The following RUVBL1 variants were observed in gnomAD, a reference collection of about 807,000 sequenced individuals.
The protein encoded by RUVBL1 is RuvB like AAA ATPase 1.
A neutral mutation model predicts 52.4 loss-of-function variants in RUVBL1; 4 were observed. The observed-to-expected ratio is 0.08, with a 90% CI of 0.04 to 0.17. The LOEUF is 0.17. Ranked by LOEUF, RUVBL1 falls within the 10% of genes least tolerant of loss-of-function variation. The probability of loss-of-function intolerance (pLI) is 1.00; values close to 1 mark genes in which losing one functional copy is unlikely to be tolerated. For synonymous variants in RUVBL1, 217 were observed against 214.4 expected, an observed-to-expected ratio of 1.01 and a Z score of -0.10; for missense variants, 298 against 572.8, an observed-to-expected ratio of 0.52 and a Z score of 4.90.
At chr3:128,065,731 A>ATT (rs1941953629) in intron 9 of RUVBL1, among the ~76,000 whole-genome samples, 2 of 61,962 alleles carry the variant, frequency 3.2e-5, no homozygotes, top group East Asian at 5.2e-4. Context: ...GATCATTAAG[A>ATT]ATTTTTTTTT....
chr3:128,144,927 T>A (rs1944080855), intron 1 of RUVBL1, among the ~76,000 whole-genome samples: 1 of 152,156 alleles, frequency 6.6e-6, no homozygotes, highest in Non-Finnish European at 1.5e-5. Context: ...GGCACATGAC[T>A]TCATCAGGGC....
rs1941919591 is a variant in RUVBL1 at position 128,064,998 on chromosome 3, C to T, written c.*214G>A. The T allele has an allele frequency of 3.1e-6, 5 of 1,614,252 alleles. No individual in the cohort carries two copies. The highest frequency in any genetic ancestry group is 1.1e-5 in the South Asian group (1 of 91,080). On this transcript the variant is annotated 3_prime_UTR_variant, in exon 10 of 10. Transcript: ENST00000464873. ...ATCTTCCCAACCTCATGAATCTCAT[C>T]GCCACCATCTTTGTCTTTGCAGTGG... is the stretch of plus-strand genomic sequence containing the variant.
In RUVBL1 at chr3:128,112,960, C is replaced by A; in HGVS notation, c.289G>T (p.Val97Leu). Residue 97 changes from valine (V) to leucine (L), a missense_variant, in exon 3 of 11, where the codon GTG becomes TTG. Physicochemically the swap from Val to Leu is conservative, Grantham distance 32. Coordinates refer to ENST00000322623, the MANE Select transcript of RUVBL1 (RefSeq NM_003707.3). ...TCAGTTGAGTAAACTTCACTCCCCACCATTGGGCAGAAGGGGACCTTACTA... is the reference window on the plus strand; with the variant it reads ...TCAGTTGAGTAAACTTCACTCCCCAACATTGGGCAGAAGGGGACCTTACTA... ...LGSKVPFCPMVGSEVYSTEIK... is the reference protein window; with the variant it reads ...LGSKVPFCPMLGSEVYSTEIK... The A allele has an allele frequency of 1.2e-6, 2 of 1,614,174 alleles. No homozygotes were observed. The highest frequency in any genetic ancestry group is 1.7e-6 in the Non-Finnish European group (2 of 1,180,028).
At chr3:128,153,411 G>A in exon 1 of RUVBL1, 2 of 1,416,256 alleles carry the variant, frequency 1.4e-6, no homozygotes, top group Non-Finnish European at 9.1e-7. Flanking sequence ...TGCACAGCGC[G>A]CCGGTTACGG....
At chr3:128,120,532 T>C (rs1373353108) in intron 1 of RUVBL1, among the ~76,000 whole-genome samples, 1 of 152,216 alleles carries the variant, frequency 6.6e-6, no homozygotes, top group African/African-American at 2.4e-5. Flanking sequence ...CTGAGAAAGT[T>C]ACACTAGCTG....
In RUVBL1 at chr3:128,082,949, C is replaced by T. The variant is rs1252042158; in HGVS notation, c.1120-375G>A. 6 of 172,656 alleles carry T rather than the reference C, an allele frequency of 3.5e-5. No individual in the cohort carries two copies. Among genetic ancestry groups the T allele is most frequent in the Admixed American group, 3.3e-4 (6 of 17,918 alleles). The allele number at this position is 172,656 out of a possible 1,614,324, so 10.7% of individuals were successfully genotyped here. A position where few individuals can be genotyped will look rare whatever the true frequency, so the allele number is the denominator to read the frequency against. ...AACCTACCCGGGGCTCCTGCAAGGG[C>T]TCTAACCTTCCTCTCCAGCATGGGC... On this transcript the variant is annotated intron_variant, in intron 9 of 10. Transcript: ENST00000322623. The surrounding 1 kb of genome is among the most constrained non-coding windows in gnomAD (Gnocchi z 4.7).
intron 1 of RUVBL1, among the ~76,000 whole-genome samples, chr3:128,129,871 G>A (rs1350722975): frequency 6.6e-6 from 1 of 152,182 alleles, no homozygotes; most frequent in Non-Finnish European, 1.5e-5. Flanking sequence ...AGGAAAAATA[G>A]AGAGCTAATT....
At chr3:128,073,359 C>T (rs919231803) in intron 9 of RUVBL1, among the ~76,000 whole-genome samples, 5 of 152,202 alleles carry the variant, frequency 3.3e-5, no homozygotes, top group Non-Finnish European at 7.3e-5. Context: ...CCGCCCCCAG[C>T]CTGCTCCTGC....
At chr3:128,089,893 G>C (rs959571711) in intron 8 of RUVBL1, among the ~76,000 whole-genome samples, 7 of 114,062 alleles carry the variant, frequency 6.1e-5, no homozygotes, top group Non-Finnish European at 1.0e-4. Context: ...CTGGGTGACA[G>C]AGTGAGACCC....
Position 128,120,567 on chromosome 3 carries a change from A to C in RUVBL1, c.142-1153T>G, listed in dbSNP as rs1337922115. Among the ~76,000 whole-genome samples the C allele has an allele frequency of 2.6e-5, 4 of 152,174 alleles. No individual in the cohort carries two copies. In the East Asian group the frequency reaches 5.8e-4, roughly 22 times the overall value. ...GAGCATCTATATCTCAGGATTACAT[A>C]ATATAAGGTTTGCTACACTGATTTA... On this transcript the variant is annotated intron_variant, in intron 1 of 10. Transcript: ENST00000322623.
chr3:128,133,874 G>T (rs775712260), intron 1 of RUVBL1, among the ~76,000 whole-genome samples: 4 of 152,090 alleles, frequency 2.6e-5, no homozygotes, highest in Non-Finnish European at 5.9e-5. Context: ...AAGGCTATCC[G>T]TGAAAACATG....
chr3:128,119,466 AG>A (rs1434558484), intron 1 of RUVBL1, 52 bp from the exon 2 acceptor site: 10 of 1,489,764 alleles, frequency 6.7e-6, no homozygotes. Context: ...ATGTTTCACA[AG>A]GGGAAAAATC....
chr3:128,075,172 A>G (rs557246796), intron 9 of RUVBL1: 3 of 152,374 alleles, frequency 2.0e-5, no homozygotes, highest in Admixed American at 1.3e-4. Context: ...AAATCCATTT[A>G]ACATACTGTC....
intron 9 of RUVBL1, among the ~76,000 whole-genome samples, chr3:128,066,323 C>T (rs1430923714): frequency 6.6e-6 from 1 of 151,918 alleles, no homozygotes; most frequent in East Asian, 1.9e-4. Context: ...GGCCTCCAGG[C>T]TTTTCTCCAT....
chr3:128,064,800 T>C, exon 10 of RUVBL1: 1 of 1,330,370 alleles, frequency 7.5e-7, no homozygotes, highest in Non-Finnish European at 1.0e-6. Flanking sequence ...CCTCTTTTTA[T>C]TTGTCTGCTA....
chr3:128,131,085 C>CT (rs1477815611), intron 1 of RUVBL1, among the ~76,000 whole-genome samples: 1 of 152,060 alleles, frequency 6.6e-6, no homozygotes, highest in African/African-American at 2.4e-5. Flanking sequence ...CACCACTGCA[C>CT]TTTAGCTTGG....
chr3:128,094,566 C>T (rs1173793534), intron 8 of RUVBL1, among the ~76,000 whole-genome samples: 1 of 152,210 alleles, frequency 6.6e-6, no homozygotes, highest in Non-Finnish European at 1.5e-5. Flanking sequence ...CCTCTGGGCT[C>T]AGGTTCCAGT....
At chr3:128,129,838 G>A (rs1943847973) in intron 1 of RUVBL1, among the ~76,000 whole-genome samples, 1 of 152,196 alleles carries the variant, frequency 6.6e-6, no homozygotes. Flanking sequence ...AAAGTACAAT[G>A]GTGGTTGCCA....
At chr3:128,144,882 C>T (rs1008310954) in intron 1 of RUVBL1, among the ~76,000 whole-genome samples, 1 of 152,186 alleles carries the variant, frequency 6.6e-6, no homozygotes, top group African/African-American at 2.4e-5. Context: ...CCACACCTGG[C>T]TAGGCAGAGC....
Sources: gnomAD v4.1 joint callset for allele counts (sites outside exome capture counted in the v4.1 genomes callset) on GRCh38, gnomAD v4.1.1 for gene constraint, Gnocchi (gnomAD v3.1) non-coding constraint, MANE v1.5 for transcripts, NCBI Gene and HGNC (gene_info 2026-07-23, HGNC 2026-07-21) for gene names.